UNC5C: variants seen among roughly 807,000 people sequenced by gnomAD.
UNC5C encodes unc-5 netrin receptor C, also known as netrin receptor UNC5C.
A neutral mutation model predicts 99.8 loss-of-function variants in UNC5C; 47 were observed. The observed-to-expected ratio is 0.47, with a 90% confidence interval of 0.37 to 0.60. The LOEUF (loss-of-function observed/expected upper bound fraction) is 0.60, where lower values mean the gene tolerates loss of function less well. Ranked by LOEUF, UNC5C falls within the 20% of genes least tolerant of loss-of-function variation. The pLI, the probability that UNC5C is intolerant of heterozygous loss-of-function variation, is 0.00. For synonymous variants in UNC5C, 487 were observed against 452.2 expected (o/e 1.08, Z -0.98); for missense variants, 1,062 against 1,165.9 (o/e 0.91, Z 1.30).
chr4:95,347,004 A>G (rs1341216345), intron 1 of UNC5C, among the ~76,000 whole-genome samples: 1 of 152,058 alleles, frequency 6.6e-6, no homozygotes, highest in Non-Finnish European at 1.5e-5. Flanking sequence ...AGATGATCAT[A>G]TAGTTGGAAA....
chr4:95,463,496 A>T (rs1274497960), intron 1 of UNC5C, among the ~76,000 whole-genome samples: 1 of 148,438 alleles, frequency 6.7e-6, no homozygotes, highest in Non-Finnish European at 1.5e-5. Context: ...AATGGAAAGC[A>T]GAGCACAGAG....
chr4:95,391,559 T>A (rs146796278), intron 1 of UNC5C, among the ~76,000 whole-genome samples: 1 of 152,218 alleles, frequency 6.6e-6, no homozygotes, highest in East Asian at 1.9e-4. Flanking sequence ...TTCCAATATA[T>A]CTTGTATTCT....
At chr4:95,461,943 T>C (rs1369475514) in intron 1 of UNC5C, among the ~76,000 whole-genome samples, 1 of 152,232 alleles carries the variant, frequency 6.6e-6, no homozygotes, top group Non-Finnish European at 1.5e-5. Flanking sequence ...TTTTTTTATC[T>C]TGTGGTTATA....
rs564889390 is a variant in UNC5C at position 95,183,355 on chromosome 4, T to A, written c.2287-294A>T. Among the ~76,000 whole-genome samples the A allele has an allele frequency of 1.5e-4, 23 of 151,064 alleles. No homozygotes were observed. The South Asian group carries it at 4.8e-3, about 32-fold the overall frequency. On this transcript the variant is annotated intron_variant, in intron 13 of 15. Coordinates refer to ENST00000453304, the MANE Select transcript of UNC5C (RefSeq NM_003728.4). ...ACCAGTCTGCCACATGTCTCTAATT[T>A]ACAACAACAGGAACCATTGTAAATG...
chr4:95,183,448 A>C (rs1390705795), intron 13 of UNC5C, among the ~76,000 whole-genome samples: 1 of 152,222 alleles, frequency 6.6e-6, no homozygotes, highest in Admixed American at 6.5e-5. Context: ...ATTGCTCATT[A>C]ATAGAATCCC....
chr4:95,303,310 G>A (rs1422360975), intron 2 of UNC5C, among the ~76,000 whole-genome samples: 4 of 152,204 alleles, frequency 2.6e-5, no homozygotes, highest in Non-Finnish European at 4.4e-5. Flanking sequence ...AGCAATCTGT[G>A]TTTTGACCAG....
At chr4:95,476,582 T>C (rs1323953962) in intron 1 of UNC5C, among the ~76,000 whole-genome samples, 1 of 152,100 alleles carries the variant, frequency 6.6e-6, no homozygotes, top group Non-Finnish European at 1.5e-5. Context: ...AAAACACGAA[T>C]TCATATTTTG....
chr4:95,368,943 A>C (rs1046345007), intron 1 of UNC5C, among the ~76,000 whole-genome samples: 5 of 151,748 alleles, frequency 3.3e-5, no homozygotes, highest in African/African-American at 1.2e-4. Context: ...TTTGAGACAA[A>C]GTCTTGCTCT....
chr4:95,306,231 C>A (rs1003758144), intron 2 of UNC5C, among the ~76,000 whole-genome samples: 6 of 152,020 alleles, frequency 3.9e-5, no homozygotes, highest in Non-Finnish European at 5.9e-5. Flanking sequence ...GAGACGGAGT[C>A]TTGCTCTGTC....
Position 95,220,143 on chromosome 4 carries a change from A to C in UNC5C, c.1142T>G (p.Val381Gly), listed in dbSNP as rs745704670. The change falls in exon 8 of 16, where the codon GTT becomes GGT. Residue 381 changes from valine (V) to glycine (G), a missense_variant. Physicochemically the swap from Val to Gly is moderately radical, Grantham distance 109. Around this residue, in one of 3 missense-constraint regions of UNC5C, gnomAD observed 810 missense variants for 854.5 expected, o/e 0.95. Coordinates refer to ENST00000453304, the MANE Select transcript of UNC5C (RefSeq NM_003728.4). ...APDSDDVALY[V>G]GIVIAVIVCL... ...AACGATCACTGCTATCACAATCCCA[A>C]CATAGAGAGCAACATCATCTGAATC... The C allele has an allele frequency of 1.4e-5, 23 of 1,613,978 alleles. No individual in the cohort carries two copies. The highest frequency in any genetic ancestry group is 1.9e-5 in the Non-Finnish European group (23 of 1,179,942).
chr4:95,191,684 C>G (rs1043281383), intron 12 of UNC5C, among the ~76,000 whole-genome samples: 7 of 150,874 alleles, frequency 4.6e-5, no homozygotes, highest in Admixed American at 2.0e-4. Flanking sequence ...ACTCTCCTCC[C>G]CAATCACCTC....
At chr4:95,290,971 A>C (rs1231402410) in intron 3 of UNC5C, among the ~76,000 whole-genome samples, 1 of 152,188 alleles carries the variant, frequency 6.6e-6, no homozygotes, top group Non-Finnish European at 1.5e-5. Context: ...GATCATTTAA[A>C]TGAGAGAAAT....
chr4:95,336,908 T>C (rs1299349478), intron 1 of UNC5C, among the ~76,000 whole-genome samples: 1 of 151,938 alleles, frequency 6.6e-6, no homozygotes. Flanking sequence ...AGGACCAAAA[T>C]TGTCAGCTTA....
At chr4:95,478,808 C>T (rs1048916535) in intron 1 of UNC5C, among the ~76,000 whole-genome samples, 2 of 151,964 alleles carry the variant, frequency 1.3e-5, no homozygotes, top group African/African-American at 4.8e-5. Flanking sequence ...GAGGTGGGCC[C>T]TAGTGGCGGG....
chr4:95,268,176 G>A (rs1299586641), intron 4 of UNC5C, among the ~76,000 whole-genome samples: 1 of 151,434 alleles, frequency 6.6e-6, no homozygotes, highest in South Asian at 2.1e-4. Context: ...TCCTGACCTC[G>A]TGATCCACCC....
chr4:95,368,023 A>G (rs1267019421), intron 1 of UNC5C, among the ~76,000 whole-genome samples: 1 of 152,220 alleles, frequency 6.6e-6, no homozygotes, highest in Non-Finnish European at 1.5e-5. Context: ...ATTAGAGGTC[A>G]TGAAAGTAAC....
rs552018608 is a variant in UNC5C at position 95,221,784 on chromosome 4, G to A, written c.1109-1608C>T. Among the ~76,000 whole-genome samples, 10 of 152,260 alleles carry A rather than the reference G, an allele frequency of 6.6e-5. No homozygotes were observed. In the South Asian group the frequency reaches 2.1e-3, roughly 32 times the overall value. The stretch of plus-strand genomic sequence containing the variant: ...TCTGTTGGGTTTTATTTGAGGCACT[G>A]CTGCAGGATTCTGAACTCTGGTCAG... On this transcript the variant is annotated intron_variant, in intron 7 of 15. Coordinates refer to ENST00000453304, the MANE Select transcript of UNC5C (RefSeq NM_003728.4).
At chr4:95,429,118 G>A (rs1746561991) in intron 1 of UNC5C, among the ~76,000 whole-genome samples, 1 of 151,960 alleles carries the variant, frequency 6.6e-6, no homozygotes, top group Non-Finnish European at 1.5e-5. Flanking sequence ...CCAAATGCAG[G>A]CAAATTTGCT....
At chr4:95,259,987 T>C (rs1186855478) in intron 4 of UNC5C, among the ~76,000 whole-genome samples, 1 of 152,166 alleles carries the variant, frequency 6.6e-6, no homozygotes, top group Non-Finnish European at 1.5e-5. Context: ...ATCATTAGCT[T>C]CAACACCCTT....
Sources: gnomAD v4.1 joint callset for allele counts (sites outside exome capture counted in the v4.1 genomes callset) on GRCh38, gnomAD v4.1.1 for gene constraint, gnomAD v4.1.1 regional missense constraint, MANE v1.5 for transcripts, NCBI Gene and HGNC (gene_info 2026-07-23, HGNC 2026-07-21) for gene names.